The following AFF3 variants were observed in gnomAD, a reference collection of about 807,000 sequenced individuals.
AFF3 encodes the protein ALF transcription elongation factor 3.
Under a neutral mutation model 129.7 loss-of-function variants are expected in AFF3, and 32 were observed. The observed-to-expected ratio is 0.25, with a 90% CI of 0.19 to 0.33. The LOEUF (loss-of-function observed/expected upper bound fraction) is 0.33. Ranked by LOEUF, AFF3 falls within the 10% of genes least tolerant of loss-of-function variation. The pLI, the probability that AFF3 is intolerant of heterozygous loss-of-function variation, is 1.00. For synonymous variants in AFF3, 644 were observed against 635.4 expected (o/e 1.01, Z -0.20); for missense variants, 1,373 against 1,592.0 (o/e 0.86, Z 2.34).
In AFF3 at chr2:99,553,239, C is replaced by G. The variant is rs144752334; in HGVS notation, c.3559+1072G>C. Among the ~76,000 whole-genome samples the G allele has an allele frequency of 2.9e-3, 445 of 152,314 alleles. 15 individuals are homozygous for G. In the East Asian group the frequency reaches 0.079, roughly 27 times the overall value. On this transcript the variant is annotated intron_variant, in intron 24 of 24. Transcript: ENST00000672756. ...CAAAGCCCTGTTCCATGGTTCCATG[C>G]CAGCTCCTCTAGCAAGCTCCTCCTG...
chr2:99,940,243 G>A (rs919885679), intron 7 of AFF3, among the ~76,000 whole-genome samples: 1 of 152,290 alleles, frequency 6.6e-6, no homozygotes. Context: ...ATTAAGCCAT[G>A]AGAATAAGAC....
At chr2:100,026,161 A>G (rs1684022775) in intron 4 of AFF3, among the ~76,000 whole-genome samples, 1 of 152,202 alleles carries the variant, frequency 6.6e-6, no homozygotes, top group Middle Eastern at 3.2e-3. Flanking sequence ...CTGACAAAGG[A>G]TTAATATCTA....
chr2:100,058,312 C>G (rs1176061059), intron 4 of AFF3, among the ~76,000 whole-genome samples: 3 of 152,166 alleles, frequency 2.0e-5, no homozygotes, highest in African/African-American at 7.2e-5. Flanking sequence ...AGTTCAAGCT[C>G]TTTCAGACAT....
At position 99,603,302 on chromosome 2, in the gene AFF3, G is replaced by A. The variant is rs115087497; in HGVS notation, c.1185-1681C>T. Among the ~76,000 whole-genome samples, 1,336 of 152,258 alleles carry A rather than the reference G, an allele frequency of 8.8e-3. 16 individuals are homozygous for A. The highest frequency in any genetic ancestry group is 0.03 in the African/African-American group (1,237 of 41,542). On this transcript the variant is annotated intron_variant, in intron 13 of 24. Coordinates refer to ENST00000672756, the MANE Select transcript of AFF3 (RefSeq NM_001386135.1). ...GTCATTGGAATCATAAAAAAAGGAC[G>A]ATTGAATTCTGACTGAACATGAACA...
intron 14 of AFF3, 112 bp from the exon 15 acceptor site, chr2:99,594,401 G>A: frequency 3.5e-6 from 5 of 1,433,558 alleles, no homozygotes; most frequent in South Asian, 1.5e-5. Flanking sequence ...AGCAGAAAAC[G>A]AATGGGCTGG....
intron 2 of AFF3, among the ~76,000 whole-genome samples, chr2:100,125,062 A>G (rs2105568863): frequency 6.6e-6 from 1 of 152,360 alleles, no homozygotes; most frequent in African/African-American, 2.4e-5. Flanking sequence ...GAAATGGGAC[A>G]TGAATGGTGG....
intron 7 of AFF3, among the ~76,000 whole-genome samples, chr2:99,856,327 T>C (rs1343917689): frequency 6.6e-6 from 1 of 152,120 alleles, no homozygotes; most frequent in Non-Finnish European, 1.5e-5. Flanking sequence ...GTCCAAGATA[T>C]AATCCAAAAT....
chr2:99,633,621 C>T (rs924115261), intron 13 of AFF3, among the ~76,000 whole-genome samples: 1 of 152,078 alleles, frequency 6.6e-6, no homozygotes, highest in Non-Finnish European at 1.5e-5. Context: ...TGTGGTGGAT[C>T]CCTCATGAAA....
At chr2:99,701,778 C>A (rs534206143) in intron 11 of AFF3, among the ~76,000 whole-genome samples, 1 of 152,360 alleles carries the variant, frequency 6.6e-6, no homozygotes, top group South Asian at 2.1e-4. Flanking sequence ...TTAACCACAC[C>A]ATCACCACAA....
chr2:99,947,164 G>T (rs903474042), intron 7 of AFF3, among the ~76,000 whole-genome samples: 11 of 152,164 alleles, frequency 7.2e-5, no homozygotes, highest in Non-Finnish European at 1.5e-4. Context: ...CATCCAGCCG[G>T]GTGCAGTGGC....
chr2:99,739,089 C>T (rs1302035519), intron 10 of AFF3, among the ~76,000 whole-genome samples: 1 of 146,548 alleles, frequency 6.8e-6, no homozygotes, highest in Non-Finnish European at 1.5e-5. Flanking sequence ...CCTGAAAGCT[C>T]TGTGTGGGAA....
chr2:99,592,099 G>GT (rs1678740821), intron 15 of AFF3, among the ~76,000 whole-genome samples: 1 of 152,134 alleles, frequency 6.6e-6, no homozygotes, highest in Non-Finnish European at 1.5e-5. Flanking sequence ...TGAAGATACA[G>GT]TAACAGGAGG....
Position 99,554,479 on chromosome 2 carries a change from C to A in AFF3, c.3391G>T (p.Gly1131Trp), listed in dbSNP as rs1286535619. 2 of 1,613,860 alleles carry A rather than the reference C, an allele frequency of 1.2e-6. No homozygotes were observed. The highest frequency in any genetic ancestry group is 1.7e-6 in the Non-Finnish European group (2 of 1,180,002). The change falls in exon 24 of 25, where the codon GGG becomes TGG. Residue 1131 changes from glycine (G) to tryptophan (W), a missense_variant. By Grantham distance (184) the Gly-to-Trp change is radical. Transcript: ENST00000672756. ...GCGTTGGAGAGGCTGCCCTGAGACC[C>A]CACGGAGCTGGCGGGAGAGGGGTTG... is the stretch of plus-strand genomic sequence containing the variant. The part of the protein sequence containing the change: ...SPNPSPASSV[G>W]SQGSLSNASA...
chr2:100,011,593 C>A (rs770272329), intron 4 of AFF3: 23 of 780,662 alleles, frequency 2.9e-5, no homozygotes, highest in Non-Finnish European at 4.5e-5. Flanking sequence ...ATAAACACCA[C>A]AAGAAGCTGA....
At chr2:99,914,815 G>T (rs1352290429) in intron 7 of AFF3, among the ~76,000 whole-genome samples, 6 of 152,002 alleles carry the variant, frequency 3.9e-5, no homozygotes, top group Non-Finnish European at 8.8e-5. Context: ...AGCTACTCAG[G>T]AGGCTGAGGC....
chr2:99,849,693 G>A (rs17023216), intron 7 of AFF3, among the ~76,000 whole-genome samples: 16,100 of 152,142 alleles, frequency 0.11, 1,059 homozygotes, highest in Non-Finnish European at 0.12. Context: ...AGAAAAGAAA[G>A]CAATGATTAC....
chr2:99,933,892 A>G (rs1041052506), intron 7 of AFF3, among the ~76,000 whole-genome samples: 8 of 152,302 alleles, frequency 5.3e-5, no homozygotes, highest in African/African-American at 1.9e-4. Flanking sequence ...GGTAGTTAAA[A>G]AGGGAGGGAT....
rs1674161291 is a variant in AFF3 at position 99,548,125 on chromosome 2, A to C, written c.*3349T>G. ...AAATTTTGATCAGGAATATACCTGG[A>C]CTACTCTCTTTCAAAGGCAATTGAA... On this transcript the variant is annotated 3_prime_UTR_variant, in exon 25 of 25. Coordinates refer to ENST00000672756, the MANE Select transcript of AFF3 (RefSeq NM_001386135.1). The C allele has an allele frequency of 4.9e-6, 1 of 204,020 alleles. No homozygotes were observed. The highest frequency in any genetic ancestry group is 1.0e-5 in the Non-Finnish European group (1 of 99,330). The allele number at this position is 204,020 out of a possible 1,614,324, so 12.6% of individuals were successfully genotyped here.
At chr2:99,794,090 T>C (rs995634041) in intron 8 of AFF3, among the ~76,000 whole-genome samples, 1 of 152,240 alleles carries the variant, frequency 6.6e-6, no homozygotes, top group Non-Finnish European at 1.5e-5. Context: ...TATTTCTAAA[T>C]TAATTTTGTT....
Sources: gnomAD v4.1 joint callset for allele counts (sites outside exome capture counted in the v4.1 genomes callset) on GRCh38, gnomAD v4.1.1 for gene constraint, MANE v1.5 for transcripts, NCBI Gene and HGNC (gene_info 2026-07-23, HGNC 2026-07-21) for gene names.